The following LRRC3B variants were observed in gnomAD, a reference collection of about 807,000 sequenced individuals.
The protein encoded by LRRC3B is leucine-rich repeat-containing protein 3B.
In LRRC3B, 2 loss-of-function variants were observed where a neutral mutation model predicts 12.8. The ratio of observed to expected loss-of-function variants is 0.16; its 90% CI spans 0.06 to 0.49. The LOEUF (loss-of-function observed/expected upper bound fraction) is 0.49, where lower values mean the gene tolerates loss of function less well. LRRC3B is among the 20% of genes least tolerant of loss of function. The pLI, the probability that LRRC3B is intolerant of heterozygous loss-of-function variation, is 0.96. For synonymous variants in LRRC3B, 132 were observed against 122.0 expected (o/e 1.08, Z -0.54); for missense variants, 189 against 319.4 (o/e 0.59, Z 3.11).
intron 1 of LRRC3B, among the ~76,000 whole-genome samples, chr3:26,647,077 G>C (rs1210568714): frequency 1.3e-5 from 2 of 152,002 alleles, no homozygotes; most frequent in Admixed American, 6.6e-5. Context: ...AACATACCAA[G>C]AACCTTCCTG....
At chr3:26,648,323 C>T (rs1575125295) in intron 1 of LRRC3B, among the ~76,000 whole-genome samples, 1 of 152,022 alleles carries the variant, frequency 6.6e-6, no homozygotes, top group Non-Finnish European at 1.5e-5. Flanking sequence ...CAGCGATTGG[C>T]ACTGATTTCA....
At chr3:26,672,538 T>C (rs1199949810) in intron 1 of LRRC3B, among the ~76,000 whole-genome samples, 1 of 152,252 alleles carries the variant, frequency 6.6e-6, no homozygotes, top group Non-Finnish European at 1.5e-5. Flanking sequence ...ATCCTGTTCC[T>C]GAACTGGCAG....
intron 1 of LRRC3B, among the ~76,000 whole-genome samples, chr3:26,708,861 A>C: frequency 6.6e-6 from 1 of 152,144 alleles, no homozygotes; most frequent in East Asian, 1.9e-4. Context: ...AAAGAGAGAG[A>C]AGATCCTCTG....
chr3:26,671,165 G>A (rs1275724502), intron 1 of LRRC3B, among the ~76,000 whole-genome samples: 10 of 142,266 alleles, frequency 7.0e-5, no homozygotes, highest in Middle Eastern at 3.5e-3. Context: ...ACAGGCGCCC[G>A]CCACTACGCC....
At position 26,709,510 on chromosome 3, in the gene LRRC3B, T is replaced by C; in HGVS notation, c.-160-3T>C. On this transcript the variant is annotated splice_polypyrimidine_tract_variant and splice_region_variant and intron_variant, in intron 1 of 1. Coordinates refer to ENST00000396641, the Ensembl canonical transcript of LRRC3B. ...TAATTGCATCTGTTTCTCTTTCCTT[T>C]AGGTGCCCAAGCAAGGAAAGAAATA... The C allele has an allele frequency of 1.5e-6, 1 of 680,954 alleles. No homozygotes were observed. The highest frequency in any genetic ancestry group is 1.9e-5 in the South Asian group (1 of 52,354). The allele number at this position is 680,954 out of a possible 1,614,324, so 42.2% of individuals were successfully genotyped here. A position where few individuals can be genotyped will look rare whatever the true frequency, so the allele number is the denominator to read the frequency against.
Position 26,671,413 on chromosome 3 carries a change from G to GAGAGAGAGAGAGAGACAC in LRRC3B, c.-160-38099_-160-38098insGAGAGAGAGAGAGACACA, listed in dbSNP as rs9331540. 7.0e-4 allele frequency among the ~76,000 whole-genome samples: 70 copies of GAGAGAGAGAGAGAGACAC among 99,378 alleles called. 2 individuals carry two copies. The highest frequency in any genetic ancestry group is 1.2e-3 in the Non-Finnish European group (60 of 51,272). 65.2% of individuals were successfully genotyped at this position (99,378 alleles called of 152,430 possible). ...AGAGAGAGAGAGAGAGAGAGAGAGA[G>GAGAGAGAGAGAGAGACAC]ACGAAGTCTTGCTCTGTCGCCAGGC... is the stretch of plus-strand genomic sequence containing the variant. On this transcript the variant is annotated intron_variant, in intron 1 of 1. Coordinates refer to ENST00000396641, the Ensembl canonical transcript of LRRC3B.
At chr3:26,697,821 A>G (rs73821193) in intron 1 of LRRC3B, among the ~76,000 whole-genome samples, 19,362 of 152,138 alleles carry the variant, frequency 0.13, 1,326 homozygotes, top group South Asian at 0.2. Context: ...TTCTATTTTT[A>G]AAGTACAGCT....
At chr3:26,627,915 G>A (rs1023729590) in intron 1 of LRRC3B, among the ~76,000 whole-genome samples, 2 of 152,154 alleles carry the variant, frequency 1.3e-5, no homozygotes, top group Admixed American at 6.5e-5. Context: ...GAAGTTAAGT[G>A]TGACAATATC....
chr3:26,669,249 G>T (rs994048500), intron 1 of LRRC3B, among the ~76,000 whole-genome samples: 1 of 152,098 alleles, frequency 6.6e-6, no homozygotes, highest in Non-Finnish European at 1.5e-5. Flanking sequence ...GATGAGTGTC[G>T]TGCAGAGCTA....
At chr3:26,696,299 A>G (rs990771142) in intron 1 of LRRC3B, among the ~76,000 whole-genome samples, 2 of 152,216 alleles carry the variant, frequency 1.3e-5, no homozygotes, top group Admixed American at 6.5e-5. Context: ...GATGTGTTAC[A>G]TGTATGAATT....
chr3:26,664,553 CT>C (rs1699559896), intron 1 of LRRC3B, among the ~76,000 whole-genome samples: 1 of 152,036 alleles, frequency 6.6e-6, no homozygotes, highest in Non-Finnish European at 1.5e-5. Flanking sequence ...GTTTAGTTCC[CT>C]AGAAGCAGAT....
At chr3:26,707,695 T>G (rs1038743604) in intron 1 of LRRC3B, among the ~76,000 whole-genome samples, 28 of 152,210 alleles carry the variant, frequency 1.8e-4, no homozygotes, top group African/African-American at 6.3e-4. Flanking sequence ...TTCCATCTCC[T>G]GTGTTTTTCT....
At chr3:26,674,231 G>A (rs1699811488) in intron 1 of LRRC3B, among the ~76,000 whole-genome samples, 1 of 152,090 alleles carries the variant, frequency 6.6e-6, no homozygotes, top group Non-Finnish European at 1.5e-5. Context: ...GAAGTCTGTG[G>A]GAGGTTGCAC....
intron 1 of LRRC3B, among the ~76,000 whole-genome samples, chr3:26,688,609 G>C (rs1050242133): frequency 2.0e-5 from 3 of 152,150 alleles, no homozygotes; most frequent in African/African-American, 7.2e-5. Context: ...CAGGAAGAAG[G>C]AGAGGGAGAT....
chr3:26,688,163 C>T (rs1433705592), intron 1 of LRRC3B, among the ~76,000 whole-genome samples: 7 of 152,152 alleles, frequency 4.6e-5, no homozygotes, highest in Non-Finnish European at 5.9e-5. Flanking sequence ...CCATGAATTA[C>T]GTTGAGTAAA....
intron 1 of LRRC3B, among the ~76,000 whole-genome samples, chr3:26,698,888 T>C (rs887127767): frequency 6.6e-6 from 1 of 152,142 alleles, no homozygotes; most frequent in Non-Finnish European, 1.5e-5. Flanking sequence ...ACATACAGTA[T>C]ACATTCAAAT....
chr3:26,671,371 T>G (rs55848624), intron 1 of LRRC3B, among the ~76,000 whole-genome samples: 7,093 of 35,386 alleles, frequency 0.2, 790 homozygotes, highest in East Asian at 0.38. Flanking sequence ...TATATATATA[T>G]ATAGAGAGAG....
chr3:26,691,103 G>GTATATATA (rs1298635555), intron 1 of LRRC3B, among the ~76,000 whole-genome samples: 86 of 44,934 alleles, frequency 1.9e-3, no homozygotes, highest in Admixed American at 3.3e-3. Context: ...GTGTGTGTGT[G>GTATATATA]TGTATATATA....
At chr3:26,645,120 A>G (rs1699115751) in intron 1 of LRRC3B, among the ~76,000 whole-genome samples, 1 of 152,226 alleles carries the variant, frequency 6.6e-6, no homozygotes, top group Admixed American at 6.5e-5. Flanking sequence ...TCTCACAACT[A>G]TTCAGTAGAC....
Sources: allele counts gnomAD v4.1 joint callset (sites outside exome capture counted in the v4.1 genomes callset), GRCh38; gene constraint gnomAD v4.1.1; transcripts MANE v1.5; gene names NCBI Gene and HGNC (gene_info 2026-07-23, HGNC 2026-07-21).